Variants in CEP128 observed in about 807,000 individuals in gnomAD.
CEP128 encodes the protein centrosomal protein 128, also known as centrosomal protein 128kDa.
In CEP128, 132 loss-of-function variants were observed where a neutral mutation model predicts 156.7. The ratio of observed to expected loss-of-function variants is 0.84; its 90% CI spans 0.73 to 0.97. CEP128 has a LOEUF of 0.97. Among genes scored for constraint, CEP128 ranks in the 50% least tolerant of loss-of-function variants. The pLI is 0.00. For missense variants in CEP128, 1,252 were observed against 1,281.9 expected, an observed-to-expected ratio of 0.98 and a Z score of 0.36; for synonymous variants, 469 against 448.9, an observed-to-expected ratio of 1.04 and a Z score of -0.57.
chr14:80,863,646 A>C (rs1377731778), intron 8 of CEP128, among the ~76,000 whole-genome samples: 1 of 152,214 alleles, frequency 6.6e-6, no homozygotes, highest in African/African-American at 2.4e-5. Flanking sequence ...ATAAGGACAC[A>C]GAAGACATTT....
chr14:80,729,056 GGGGTGTGTGT>G lies in CEP128; in HGVS notation c.2806+14009_2806+14018del, dbSNP rs1304846442. On this transcript the variant is annotated intron_variant, in intron 19 of 24. Coordinates refer to ENST00000555265, the MANE Select transcript of CEP128 (RefSeq NM_152446.5). ...GCCCTAGTCCCAGGCTGGGCTGGTGGGGGTGTGTGTGTGTGTGTGTGTGTGTGTGTGTGTG... is the reference window on the plus strand; with the variant it reads ...GCCCTAGTCCCAGGCTGGGCTGGTGGGTGTGTGTGTGTGTGTGTGTGTGTG... 8.3e-3 allele frequency among the ~76,000 whole-genome samples: 730 copies of G among 88,200 alleles called. 35 individuals carry two copies. The highest frequency in any genetic ancestry group is 0.018 in the African/African-American group (435 of 24,066). The allele number at this position is 88,200 out of a possible 152,430, so 57.9% of individuals were successfully genotyped here. A position where few individuals can be genotyped will look rare whatever the true frequency, so the allele number is the denominator to read the frequency against.
intron 19 of CEP128, among the ~76,000 whole-genome samples, chr14:80,720,642 C>T (rs879082901): frequency 6.6e-6 from 1 of 152,150 alleles, no homozygotes; most frequent in Non-Finnish European, 1.5e-5. Flanking sequence ...AATATTAGGT[C>T]TCTTCTCATT....
intron 19 of CEP128, among the ~76,000 whole-genome samples, chr14:80,644,071 GA>G (rs1894535906): frequency 6.6e-6 from 1 of 152,146 alleles, no homozygotes; most frequent in South Asian, 2.1e-4. Flanking sequence ...CAAAGGAAGA[GA>G]ATAGAGTGCT....
chr14:80,941,930 G>T (rs146625818), upstream of CEP128: 1,560 of 152,150 alleles, frequency 0.01, 9 homozygotes, highest in Admixed American at 0.014. Context: ...TCCCTTGGCC[G>T]CGCCCTCTTG....
chr14:80,932,922 G>C (rs958375202), intron 2 of CEP128, among the ~76,000 whole-genome samples: 1 of 151,940 alleles, frequency 6.6e-6, no homozygotes, highest in East Asian at 1.9e-4. Flanking sequence ...TTTTTTAAAA[G>C]GACACTGCAG....
At chr14:80,905,387 T>C (rs978076764) in intron 5 of CEP128, 1 of 156,068 alleles carries the variant, frequency 6.4e-6, no homozygotes, top group Non-Finnish European at 1.4e-5. Context: ...TAATCAACAG[T>C]AATATTAACG....
rs532648377 is a variant in CEP128 at position 80,644,872 on chromosome 14, T to A, written c.2807-64449A>T. 7.4e-4 allele frequency among the ~76,000 whole-genome samples: 113 copies of A among 152,282 alleles called. 1 individual carries two copies. Among genetic ancestry groups the A allele is most frequent in the African/African-American group, 2.5e-3 (102 of 41,574 alleles). ...CATGTTATTTTAATGAAAAAGAACA[T>A]ATTCAACAATATGTTCTGAAATTAC... On this transcript the variant is annotated intron_variant, in intron 19 of 24. Transcript: ENST00000555265.
intron 16 of CEP128, among the ~76,000 whole-genome samples, chr14:80,770,383 T>A (rs999510593): frequency 6.6e-6 from 1 of 152,220 alleles, no homozygotes; most frequent in African/African-American, 2.4e-5. Context: ...TTGCCACAGC[T>A]GCACATATAA....
intron 14 of CEP128, among the ~76,000 whole-genome samples, chr14:80,786,215 A>G (rs1336399829): frequency 6.6e-6 from 1 of 152,188 alleles, no homozygotes; most frequent in East Asian, 1.9e-4. Flanking sequence ...ACATGGAAGG[A>G]CAGAGGCCAA....
At position 80,788,273 on chromosome 14, in the gene CEP128, T is replaced by C. The variant is rs1043995786; in HGVS notation, c.1561-2728A>G. On this transcript the variant is annotated intron_variant, in intron 14 of 24. Transcript: ENST00000555265. Reference sequence around the variant, plus strand: ...TCAAAACAGTGGAATTGGGTTCTCTTTGTCTGGCCAGGATCTTTTTTTTTT... The same window carrying C: ...TCAAAACAGTGGAATTGGGTTCTCTCTGTCTGGCCAGGATCTTTTTTTTTT... Among the ~76,000 whole-genome samples, 4 of 149,614 alleles carry C rather than the reference T, an allele frequency of 2.7e-5. No homozygotes were observed. In the South Asian group the frequency reaches 8.5e-4, roughly 32 times the overall value.
chr14:80,679,554 G>C (rs1896229597), intron 19 of CEP128, among the ~76,000 whole-genome samples: 1 of 152,120 alleles, frequency 6.6e-6, no homozygotes, highest in Non-Finnish European at 1.5e-5. Flanking sequence ...TTTGAGGTCA[G>C]ACTGGCTCTC....
intron 8 of CEP128, among the ~76,000 whole-genome samples, chr14:80,872,890 A>C (rs1232508316): frequency 6.6e-6 from 1 of 152,208 alleles, no homozygotes; most frequent in African/African-American, 2.4e-5. Flanking sequence ...GACCTTCTTA[A>C]TTCCAACAAT....
chr14:80,618,856 G>GT (rs1289633921), intron 19 of CEP128, among the ~76,000 whole-genome samples: 2 of 152,136 alleles, frequency 1.3e-5, no homozygotes, highest in African/African-American at 4.8e-5. Flanking sequence ...GCAGACCTGC[G>GT]TATTTGTATC....
At chr14:80,490,252 A>G (rs1432118557), downstream of CEP128, among the ~76,000 whole-genome samples, 1 of 152,192 alleles carries the variant, frequency 6.6e-6, no homozygotes, top group Non-Finnish European at 1.5e-5. Context: ...GTAAAGCTGG[A>G]AGAGATTGAA....
intron 19 of CEP128, among the ~76,000 whole-genome samples, chr14:80,662,119 T>C (rs1388885281): frequency 6.6e-6 from 1 of 152,166 alleles, no homozygotes; most frequent in Admixed American, 6.6e-5. Context: ...AAATTTCAAA[T>C]GACCCTGTAT....
rs191086124 is a variant in CEP128 at position 80,877,417 on chromosome 14, G to A, written c.646-14544C>T. Among the ~76,000 whole-genome samples, 449 of 152,216 alleles carry A rather than the reference G, an allele frequency of 2.9e-3. 3 individuals carry two copies. Among genetic ancestry groups the A allele is most frequent in the Non-Finnish European group, 4.4e-3 (302 of 68,014 alleles). ...TTAATGATACTCTATAAAATAGCATGAAAGATATCAAATTCAAGAAATAAG... is the reference window on the plus strand; with the variant it reads ...TTAATGATACTCTATAAAATAGCATAAAAGATATCAAATTCAAGAAATAAG... On this transcript the variant is annotated intron_variant, in intron 8 of 24. Coordinates refer to ENST00000555265, the MANE Select transcript of CEP128 (RefSeq NM_152446.5).
At chr14:80,575,214 G>A (rs1462521713) in intron 20 of CEP128, among the ~76,000 whole-genome samples, 1 of 151,218 alleles carries the variant, frequency 6.6e-6, no homozygotes, top group Non-Finnish European at 1.5e-5. Context: ...TAACAAGATT[G>A]AAAAGGATTC....
chr14:80,801,496 G>A (rs905220940), intron 13 of CEP128, among the ~76,000 whole-genome samples: 1 of 151,194 alleles, frequency 6.6e-6, no homozygotes, highest in African/African-American at 2.4e-5. Context: ...TATTGAGAAG[G>A]AACTTAAACA....
intron 2 of CEP128, among the ~76,000 whole-genome samples, chr14:80,933,159 T>C (rs566922685): frequency 6.6e-6 from 1 of 152,264 alleles, no homozygotes; most frequent in Admixed American, 6.5e-5. Flanking sequence ...ACCAGCATCC[T>C]GGAGAGGTGT....
Sources: gnomAD v4.1 joint callset for allele counts (sites outside exome capture counted in the v4.1 genomes callset) on GRCh38, gnomAD v4.1.1 for gene constraint, MANE v1.5 for transcripts, NCBI Gene and HGNC (gene_info 2026-07-23, HGNC 2026-07-21) for gene names.